TGM6: variants seen among roughly 807,000 people sequenced by gnomAD.
TGM6 encodes protein-glutamine gamma-glutamyltransferase 6.
A neutral mutation model predicts 77.5 loss-of-function variants in TGM6; 74 were observed. That is an observed-to-expected ratio of 0.96 (90% CI 0.79 to 1.16). The LOEUF (loss-of-function observed/expected upper bound fraction) is 1.16. Ranked by LOEUF, TGM6 falls within the 50% of genes most tolerant of loss-of-function variation. The probability of loss-of-function intolerance (pLI) is 0.00; values close to 1 mark genes in which losing one functional copy is unlikely to be tolerated. For missense variants in TGM6, 968 were observed against 940.2 expected (o/e 1.03, Z -0.39); for synonymous variants, 383 against 378.9 (o/e 1.01, Z -0.12).
At chr20:2,383,745 A>G (rs1394803956) in intron 1 of TGM6, among the ~76,000 whole-genome samples, 7 of 152,100 alleles carry the variant, frequency 4.6e-5, no homozygotes, top group Non-Finnish European at 1.0e-4. Flanking sequence ...AACCCCGTGC[A>G]TGTAGGAATT....
rs1333368802 is a variant in TGM6 at position 2,395,394 on chromosome 20, AG to A, written c.384del (p.Arg128SerfsTer60). The A allele has an allele frequency of 6.2e-7, 1 of 1,614,120 alleles. No homozygotes were observed. The highest frequency in any genetic ancestry group is 1.3e-5 in the African/African-American group (1 of 74,938). ...LSSHRKHSNRRLGEFVLLFNP... is the reference protein window; with the variant it reads ...LSSHRKHSNRXLGEFVLLFNP... ...CTCTCACCGCAAACACAGCAACCGG[AG>A]GCTGGGCGAGTTTGTTCTCCTTTTC... On this transcript the variant is annotated frameshift_variant, in exon 3 of 13. Coordinates refer to ENST00000202625, the MANE Select transcript of TGM6 (RefSeq NM_198994.3). LOFTEE classifies it high-confidence loss of function.
rs181440086 is a variant in TGM6, at chr20:2,397,350, T to G, written c.544-568T>G. On this transcript the variant is annotated intron_variant, in intron 4 of 12. Transcript: ENST00000202625. ...CGGTGGAAGAAAGACTGGACTTGAC[T>G]GTCAGGCTGAGGAGTCACGCACTGC... Among the ~76,000 whole-genome samples, 257 of 152,274 alleles carry G rather than the reference T, an allele frequency of 1.7e-3. 3 individuals are homozygous for G. The highest frequency in any genetic ancestry group is 5.6e-3 in the African/African-American group (234 of 41,554).
At chr20:2,397,420 C>T (rs2122354210) in intron 4 of TGM6, among the ~76,000 whole-genome samples, 1 of 152,246 alleles carries the variant, frequency 6.6e-6, no homozygotes, top group South Asian at 2.1e-4. Context: ...GGGTGCTGGG[C>T]AGGGAAGTTA....
chr20:2,383,949 T>A (rs2084574702), intron 1 of TGM6, among the ~76,000 whole-genome samples: 1 of 151,536 alleles, frequency 6.6e-6, no homozygotes, highest in Non-Finnish European at 1.5e-5. Flanking sequence ...CTACTAAAAA[T>A]ACAGAAAATT....
intron 1 of TGM6, among the ~76,000 whole-genome samples, chr20:2,387,591 C>G (rs373561847): frequency 9.2e-5 from 14 of 152,338 alleles, no homozygotes; most frequent in South Asian, 8.3e-4. Flanking sequence ...GAATCTCAAG[C>G]CTGATTATTG....
At chr20:2,424,698 A>C (rs776648401) in intron 10 of TGM6, among the ~76,000 whole-genome samples, 43 of 152,298 alleles carry the variant, frequency 2.8e-4, no homozygotes, top group Non-Finnish European at 5.6e-4. Context: ...TTTGCATTCA[A>C]AACCTTGCTG....
chr20:2,422,908 C>T (rs893294747), intron 10 of TGM6, among the ~76,000 whole-genome samples: 3 of 150,292 alleles, frequency 2.0e-5, no homozygotes, highest in Non-Finnish European at 4.4e-5. Flanking sequence ...TGAGATCCTG[C>T]CACTGCACTC....
intron 12 of TGM6, among the ~76,000 whole-genome samples, chr20:2,432,125 T>C (rs1315935848): frequency 6.6e-6 from 1 of 152,224 alleles, no homozygotes. Context: ...CTTGGCTCAC[T>C]GCAACCTCTC....
intron 1 of TGM6, among the ~76,000 whole-genome samples, chr20:2,383,203 A>C (rs568072000): frequency 6.6e-6 from 1 of 152,248 alleles, no homozygotes; most frequent in East Asian, 1.9e-4. Context: ...CCCATTAAAA[A>C]CCAATTATGC....
intron 1 of TGM6, among the ~76,000 whole-genome samples, chr20:2,385,261 C>T (rs1048074928): frequency 2.6e-5 from 4 of 152,094 alleles, no homozygotes; most frequent in African/African-American, 9.7e-5. Flanking sequence ...GTGATGGGAG[C>T]TGCTTTGGGC....
Position 2,387,439 on chromosome 20 carries a change from A to C in TGM6, c.7+6464A>C, listed in dbSNP as rs191962520. Among the ~76,000 whole-genome samples the C allele has an allele frequency of 1.9e-3, 291 of 152,350 alleles. 4 individuals carry two copies. The highest frequency in any genetic ancestry group is 6.8e-3 in the African/African-American group (282 of 41,590). On this transcript the variant is annotated intron_variant, in intron 1 of 12. Transcript: ENST00000202625. ...GTCCTGCACAGTGCTCACTCACCAC[A>C]GCAGGGGCTGTAGGAGCTCCCAATC...
intron 6 of TGM6, 45 bp downstream of exon 6, chr20:2,399,783 T>G (rs966805393): frequency 2.0e-6 from 3 of 1,534,046 alleles, no homozygotes; most frequent in Non-Finnish European, 1.8e-6. Flanking sequence ...GCCCCCAGCT[T>G]CCTCTATCTA....
chr20:2,428,885 G>A (rs1014993703), intron 10 of TGM6, among the ~76,000 whole-genome samples: 3 of 152,032 alleles, frequency 2.0e-5, no homozygotes, highest in Non-Finnish European at 4.4e-5. Flanking sequence ...GTGCAGTGGC[G>A]CAATCTCAGC....
intron 9 of TGM6, among the ~76,000 whole-genome samples, chr20:2,409,485 G>A (rs1429003399): frequency 2.0e-5 from 3 of 152,170 alleles, no homozygotes; most frequent in Admixed American, 1.3e-4. Context: ...GCCGAGGTGT[G>A]CAGATCACCT....
intron 1 of TGM6, among the ~76,000 whole-genome samples, chr20:2,388,631 A>AC (rs1461362208): frequency 1.3e-5 from 2 of 151,648 alleles, no homozygotes; most frequent in Non-Finnish European, 2.9e-5. Flanking sequence ...AAACAAACAA[A>AC]AAAAAACAGG....
Position 2,417,536 on chromosome 20 carries a change from G to T in TGM6, c.1641G>T (p.Leu547=), listed in dbSNP as rs766556092. ...CCCGCAAGCCAGTGGCAGAGATCCT[G>T]CATGAATCCCACGCCGTGAGGCTGG... ...LYTRKPVAEI[L]HESHAVRLGP... The change falls in exon 10 of 13, where the codon CTG becomes CTT. Residue 547 remains leucine (L), a synonymous_variant. Coordinates refer to ENST00000202625, the MANE Select transcript of TGM6 (RefSeq NM_198994.3). The T allele has an allele frequency of 6.2e-7, 1 of 1,605,688 alleles. No homozygotes were observed. Among genetic ancestry groups the T allele is most frequent in the South Asian group, 1.1e-5 (1 of 91,028 alleles).
At chr20:2,402,483 T>G (rs956057194) in intron 7 of TGM6, among the ~76,000 whole-genome samples, 1 of 152,186 alleles carries the variant, frequency 6.6e-6, no homozygotes. Flanking sequence ...CTTTTCTTCA[T>G]GCAGAAAGCA....
At chr20:2,393,079 T>C (rs1368317370) in intron 1 of TGM6, among the ~76,000 whole-genome samples, 1 of 152,246 alleles carries the variant, frequency 6.6e-6, no homozygotes, top group Non-Finnish European at 1.5e-5. Context: ...ATAGAGATTA[T>C]ACAGTCCATC....
rs1419998929 is a variant in TGM6, at chr20:2,403,843, CT to C, written c.1336+23del. 8 of 1,613,798 alleles carry C rather than the reference CT, an allele frequency of 5.0e-6. No individual in the cohort carries two copies. Among genetic ancestry groups the C allele is most frequent in the South Asian group, 1.1e-5 (1 of 91,074 alleles). On this transcript the variant is annotated intron_variant, in intron 9 of 12. Coordinates refer to ENST00000202625, the MANE Select transcript of TGM6 (RefSeq NM_198994.3). ...CGGAAGGTAAGGGCCACATGGCGGCCTTTATTACCTTCCCCCGGATGGCCCA... is the reference window on the plus strand; with the variant it reads ...CGGAAGGTAAGGGCCACATGGCGGCCTTATTACCTTCCCCCGGATGGCCCA...
Sources: allele counts gnomAD v4.1 joint callset (sites outside exome capture counted in the v4.1 genomes callset), GRCh38; gene constraint gnomAD v4.1.1; transcripts MANE v1.5; gene names NCBI Gene and HGNC (gene_info 2026-07-23, HGNC 2026-07-21).